The following CLEC16A variants were observed in gnomAD, a reference collection of about 807,000 sequenced individuals.
CLEC16A encodes the protein protein CLEC16A.
A neutral mutation model predicts 109.5 loss-of-function variants in CLEC16A; 51 were observed. The ratio of observed to expected loss-of-function variants is 0.47; its 90% CI spans 0.37 to 0.59. CLEC16A has a LOEUF of 0.59. Ranked by LOEUF, CLEC16A falls within the 20% of genes least tolerant of loss-of-function variation. CLEC16A has a pLI of 0.00. For synonymous variants in CLEC16A, 673 were observed against 564.2 expected (o/e 1.19, Z -2.73); for missense variants, 1,339 against 1,394.0 (o/e 0.96, Z 0.63).
chr16:11,014,707 G>A (rs186570240), intron 11 of CLEC16A, among the ~76,000 whole-genome samples: 10 of 152,256 alleles, frequency 6.6e-5, no homozygotes, highest in African/African-American at 1.4e-4. Context: ...CCTCAGTCCC[G>A]GCCTTGGGGA....
In CLEC16A at chr16:11,008,959, A is replaced by G. The variant is rs111855826; in HGVS notation, c.1303+5654A>G. ...GCTTGCAGTGAGCCGAGATCGCGCCACTGCACTCCAGCCTGGGCAGCAGAG... is the reference window on the plus strand; with the variant it reads ...GCTTGCAGTGAGCCGAGATCGCGCCGCTGCACTCCAGCCTGGGCAGCAGAG... On this transcript the variant is annotated intron_variant, in intron 11 of 23. Coordinates refer to ENST00000409790, the MANE Select transcript of CLEC16A (RefSeq NM_015226.3). Among the ~76,000 whole-genome samples the G allele has an allele frequency of 4.9e-4, 75 of 152,178 alleles. No individual in the cohort carries two copies. The East Asian group carries it at 0.014, about 28-fold the overall frequency.
At chr16:11,100,382 G>T (rs756086358) in intron 19 of CLEC16A, among the ~76,000 whole-genome samples, 1 of 152,188 alleles carries the variant, frequency 6.6e-6, no homozygotes, top group Non-Finnish European at 1.5e-5. Flanking sequence ...TGATGCACAC[G>T]GCCCGGCCAA....
chr16:11,047,554 G>C, intron 17 of CLEC16A: 1 of 393,900 alleles, frequency 2.5e-6, no homozygotes. Context: ...GGAGGTGTCC[G>C]ATGAATCAGG....
intron 19 of CLEC16A, among the ~76,000 whole-genome samples, chr16:11,120,186 G>A (rs749183871): frequency 5.9e-5 from 9 of 152,184 alleles, no homozygotes; most frequent in Non-Finnish European, 1.3e-4. Flanking sequence ...GGCCAGTCTG[G>A]TCTCGAACTC....
chr16:11,141,880 C>T (rs1436654646), intron 22 of CLEC16A, among the ~76,000 whole-genome samples: 2 of 152,172 alleles, frequency 1.3e-5, no homozygotes, highest in Non-Finnish European at 2.9e-5. Flanking sequence ...AACCGCAGAG[C>T]GTAGTGAGGT....
At chr16:11,071,360 G>A (rs1316248303) in intron 19 of CLEC16A, among the ~76,000 whole-genome samples, 1 of 152,138 alleles carries the variant, frequency 6.6e-6, no homozygotes, top group Non-Finnish European at 1.5e-5. Context: ...GAACATTCTA[G>A]AAGACAGCCG....
At chr16:11,101,942 A>G (rs2050941252) in intron 19 of CLEC16A, among the ~76,000 whole-genome samples, 1 of 149,718 alleles carries the variant, frequency 6.7e-6, no homozygotes, top group African/African-American at 2.5e-5. Context: ...AGCTGGGACC[A>G]CAGGTGCACA....
chr16:11,157,575 C>G (rs1354118896), intron 22 of CLEC16A, among the ~76,000 whole-genome samples: 1 of 152,218 alleles, frequency 6.6e-6, no homozygotes, highest in African/African-American at 2.4e-5. Context: ...ACTTCTGGGG[C>G]CCCCCAAGGC....
intron 1 of CLEC16A, among the ~76,000 whole-genome samples, chr16:10,947,995 G>A (rs1016217221): frequency 7.2e-5 from 11 of 152,012 alleles, no homozygotes; most frequent in East Asian, 1.9e-4. Context: ...CCGGGTTCAC[G>A]CCATTCTCCT....
Position 10,954,326 on chromosome 16 carries a change from G to C in CLEC16A, c.81-3456G>C, listed in dbSNP as rs2041884608. 6.6e-6 allele frequency among the ~76,000 whole-genome samples: 1 copy of C among 152,176 alleles called. No individual in the cohort carries two copies. The highest frequency in any genetic ancestry group is 1.5e-5 in the Non-Finnish European group (1 of 68,036). On this transcript the variant is annotated intron_variant, in intron 1 of 23. Transcript: ENST00000409790. This position sits in a 1 kb window ranked among gnomAD's most constrained non-coding sequence, Gnocchi z 4.2. ...GTAGGTCACATGAAGCCCTCGCAGA[G>C]AACCAGGCACGTGGGGGCTCCTAGA...
intron 13 of CLEC16A, among the ~76,000 whole-genome samples, chr16:11,039,080 C>T (rs560431883): frequency 3.3e-5 from 5 of 152,032 alleles, no homozygotes; most frequent in Non-Finnish European, 5.9e-5. Context: ...GTGCGTAATA[C>T]GGGAGTGGCC....
intron 19 of CLEC16A, among the ~76,000 whole-genome samples, chr16:11,087,509 T>C (rs967790117): frequency 6.6e-6 from 1 of 152,250 alleles, no homozygotes; most frequent in African/African-American, 2.4e-5. Context: ...AGATATTAAA[T>C]GTGGACAGAT....
intron 19 of CLEC16A, among the ~76,000 whole-genome samples, chr16:11,104,649 C>T (rs555593144): frequency 5.9e-5 from 9 of 152,304 alleles, no homozygotes; most frequent in South Asian, 4.1e-4. Flanking sequence ...GCCCATACCA[C>T]GAAGGTGGAG....
intron 11 of CLEC16A, among the ~76,000 whole-genome samples, chr16:11,018,748 C>CAAAAAAAAAG (rs759501339): frequency 2.1e-5 from 2 of 96,250 alleles, no homozygotes; most frequent in Non-Finnish European, 2.0e-5. Flanking sequence ...GACTCCATCT[C>CAAAAAAAAAG]AAAAAAAAAA....
intron 2 of CLEC16A, 128 bp from the exon 3 acceptor site, chr16:10,962,327 C>G (rs1596762332): frequency 1.1e-5 from 11 of 1,026,056 alleles, no homozygotes; most frequent in Middle Eastern, 2.5e-4. Flanking sequence ...CAATGGGTGG[C>G]ATGACCTGTG....
At chr16:11,157,192 A>T in intron 22 of CLEC16A, 1 of 1,254,356 alleles carries the variant, frequency 8.0e-7, no homozygotes, top group Non-Finnish European at 1.0e-6. Flanking sequence ...TTATCCGTTG[A>T]AAAGCAATCA....
chr16:10,978,858 T>C (rs745910573), intron 8 of CLEC16A, among the ~76,000 whole-genome samples: 21 of 152,192 alleles, frequency 1.4e-4, no homozygotes, highest in Non-Finnish European at 1.9e-4. Flanking sequence ...AGGGCCTAAC[T>C]ATTCTTCTCT....
Position 10,986,734 on chromosome 16 carries a change from T to A in CLEC16A, c.1071+3743T>A, listed in dbSNP as rs1331040921. Among the ~76,000 whole-genome samples the A allele has an allele frequency of 4.2e-3, 417 of 99,826 alleles. 3 individuals are homozygous for A. The highest frequency in any genetic ancestry group is 4.8e-3 in the Non-Finnish European group (222 of 46,652). 65.5% of individuals were successfully genotyped at this position (99,826 alleles called of 152,430 possible). On this transcript the variant is annotated intron_variant, in intron 10 of 23. Coordinates refer to ENST00000409790, the MANE Select transcript of CLEC16A (RefSeq NM_015226.3). ...GAATTTATTTCTTTAAGGCTCAATG[T>A]GTGTGTGTGTGTGTGTGTGTGTGTG...
intron 11 of CLEC16A, among the ~76,000 whole-genome samples, chr16:11,010,013 C>T (rs2045303300): frequency 6.6e-6 from 1 of 152,112 alleles, no homozygotes; most frequent in African/African-American, 2.4e-5. Context: ...ACTAGCCAGT[C>T]ACAGCGGTGT....
Sources: gnomAD v4.1 joint callset for allele counts (sites outside exome capture counted in the v4.1 genomes callset) on GRCh38, gnomAD v4.1.1 for gene constraint, Gnocchi (gnomAD v3.1) non-coding constraint, MANE v1.5 for transcripts, NCBI Gene and HGNC (gene_info 2026-07-23, HGNC 2026-07-21) for gene names.